CLEC1A: variants seen among roughly 807,000 people sequenced by gnomAD.
The protein encoded by CLEC1A is C-type lectin-like receptor-1.
In CLEC1A, 34 loss-of-function variants were observed where a neutral mutation model predicts 28.7. The observed-to-expected ratio is 1.18, with a 90% CI of 0.90 to 1.57. The LOEUF is 1.57. Ranked by LOEUF, CLEC1A falls within the 40% of genes most tolerant of loss-of-function variation. The pLI is 0.00. For synonymous variants in CLEC1A, 116 were observed against 121.0 expected (o/e 0.96, Z 0.27); for missense variants, 385 against 339.5 (o/e 1.13, Z -1.05).
rs1033107779 is a variant in CLEC1A, at chr12:10,092,394, A to T, written c.116-3172T>A. ...ACCCCCATCTCTATAAAAAATTTTT[A>T]AAATTCATCAGCCATGGTGGCACAC... On this transcript the variant is annotated intron_variant, in intron 1 of 5. Transcript: ENST00000315330. 30 of 372,748 alleles carry T rather than the reference A, an allele frequency of 8.0e-5. No homozygotes were observed. In the Admixed American group the frequency reaches 9.3e-4, roughly 12 times the overall value. The allele number at this position is 372,748 out of a possible 1,614,324, so 23.1% of individuals were successfully genotyped here.
chr12:10,092,919 C>T (rs561271269), intron 1 of CLEC1A, among the ~76,000 whole-genome samples: 2 of 152,208 alleles, frequency 1.3e-5, no homozygotes, highest in African/African-American at 2.4e-5. Context: ...CTTGCTCTCT[C>T]GCTTTCTCTC....
At chr12:10,071,675 C>T (rs74882389) in intron 5 of CLEC1A, among the ~76,000 whole-genome samples, 162 bp from the exon 6 acceptor site, 3,262 of 152,248 alleles carry the variant, frequency 0.021, 112 homozygotes, top group African/African-American at 0.073. Context: ...CCCTAAGTTT[C>T]CATACTCATT....
chr12:10,070,614 C>A lies in CLEC1A; in HGVS notation c.*719G>T, dbSNP rs777786414. ...GGCTCACTTTTTTCTGGTCTTTAAT[C>A]TCTCTGAAGGGAATATCGGGGACGG... On this transcript the variant is annotated 3_prime_UTR_variant, in exon 6 of 6. Transcript: ENST00000315330. The A allele has an allele frequency of 1.3e-5, 2 of 152,186 alleles. No homozygotes were observed. The highest frequency in any genetic ancestry group is 2.9e-5 in the Non-Finnish European group (2 of 68,038). The allele number at this position is 152,186 out of a possible 1,614,324, so 9.4% of individuals were successfully genotyped here. A position where few individuals can be genotyped will look rare whatever the true frequency, so the allele number is the denominator to read the frequency against.
Position 10,071,082 on chromosome 12 carries a change from G to C in CLEC1A, c.*251C>G. 3.1e-6 allele frequency: 1 copy of C among 320,152 alleles called. No individual in the cohort carries two copies. 19.8% of individuals were successfully genotyped at this position (320,152 alleles called of 1,614,324 possible). Reference sequence around the variant, plus strand: ...GAGCTAAAAGTTATCTCTAAGCCAAGAAGGCAGATGACATTATGGGTTTCT... The same window carrying C: ...GAGCTAAAAGTTATCTCTAAGCCAACAAGGCAGATGACATTATGGGTTTCT... On this transcript the variant is annotated 3_prime_UTR_variant, in exon 6 of 6. Coordinates refer to ENST00000315330, the MANE Select transcript of CLEC1A (RefSeq NM_016511.4).
chr12:10,088,804 C>T (rs1322812110), intron 2 of CLEC1A, among the ~76,000 whole-genome samples: 2 of 152,068 alleles, frequency 1.3e-5, no homozygotes, highest in Admixed American at 1.3e-4. Flanking sequence ...CTCTGATACC[C>T]TAGTCTTTTG....
At chr12:10,075,336 T>C (rs1460589465) in intron 4 of CLEC1A, among the ~76,000 whole-genome samples, 168 bp downstream of exon 4, 1 of 152,198 alleles carries the variant, frequency 6.6e-6, no homozygotes, top group African/African-American at 2.4e-5. Flanking sequence ...ACTCCTTCTA[T>C]CTACTTCAGG....
intron 2 of CLEC1A, among the ~76,000 whole-genome samples, chr12:10,084,679 A>G (rs1243712091): frequency 1.3e-5 from 2 of 151,888 alleles, no homozygotes; most frequent in Non-Finnish European, 2.9e-5. Flanking sequence ...AAAATTAGCC[A>G]GGCGTGGTGG....
rs1372537237 is a variant in CLEC1A, at chr12:10,073,367, A to G, written c.588T>C (p.Tyr196=). Reference sequence around the variant, plus strand: ...TGTCAGGGCGCAAAAGCCCTGTCCAATAAGAGTAGAAAAACTCAGAGTAGC... The same window carrying G: ...TGTCAGGGCGCAAAAGCCCTGTCCAGTAAGAGTAGAAAAACTCAGAGTAGC... ...SQSYSEFFYS[Y]WTGLLRPDSG... is the part of the protein sequence containing the mutation. The change falls in exon 5 of 6, where the codon TAT becomes TAC. Residue 196 remains tyrosine (Y), a synonymous_variant. Coordinates refer to ENST00000315330, the MANE Select transcript of CLEC1A (RefSeq NM_016511.4). 7 of 1,614,096 alleles carry G rather than the reference A, an allele frequency of 4.3e-6. 1 individual carries two copies. The East Asian group carries it at 8.9e-5, about 21-fold the overall frequency.
intron 4 of CLEC1A, 27 bp from the exon 5 acceptor site, chr12:10,073,438 T>C (rs768199811): frequency 6.4e-7 from 1 of 1,560,096 alleles, no homozygotes; most frequent in Non-Finnish European, 8.8e-7. Context: ...AGAAAAGCTT[T>C]AGCTTTGGTG....
At chr12:10,082,747 T>C (rs1866398299) in intron 2 of CLEC1A, among the ~76,000 whole-genome samples, 1 of 151,372 alleles carries the variant, frequency 6.6e-6, no homozygotes, top group Non-Finnish European at 1.5e-5. Flanking sequence ...GGCCAACAAC[T>C]CAAACCATTA....
At chr12:10,072,163 G>A (rs1866148872) in intron 5 of CLEC1A, among the ~76,000 whole-genome samples, 1 of 152,000 alleles carries the variant, frequency 6.6e-6, no homozygotes, top group African/African-American at 2.4e-5. Context: ...GCTTAAAAGG[G>A]CCTGGAACCT....
At chr12:10,092,298 G>C (rs1201404296) in intron 1 of CLEC1A, 2 of 200,856 alleles carry the variant, frequency 1.0e-5, no homozygotes, top group Non-Finnish European at 2.1e-5. Context: ...ATTGCTTTGG[G>C]CCAGGAGTTC....
At chr12:10,089,669 AT>A (rs1481701287) in intron 1 of CLEC1A, among the ~76,000 whole-genome samples, 1 of 152,088 alleles carries the variant, frequency 6.6e-6, no homozygotes, top group Non-Finnish European at 1.5e-5. Flanking sequence ...TTTGAAAAAC[AT>A]CCCCCTTCCC....
Position 10,097,525 on chromosome 12 carries a change from A to C in CLEC1A, c.115+1283T>G, listed in dbSNP as rs561859286. On this transcript the variant is annotated intron_variant, in intron 1 of 5. Coordinates refer to ENST00000315330, the MANE Select transcript of CLEC1A (RefSeq NM_016511.4). ...GATTTCTTCCAAGACAATTCTTTGT[A>C]ATCTCCACTTCTACTGTTTCAATAT... Among the ~76,000 whole-genome samples the C allele has an allele frequency of 3.3e-5, 5 of 152,332 alleles. No homozygotes were observed. The South Asian group carries it at 1.0e-3, about 32-fold the overall frequency.
intron 1 of CLEC1A, among the ~76,000 whole-genome samples, chr12:10,097,196 A>C (rs543704371): frequency 6.6e-6 from 1 of 152,324 alleles, no homozygotes; most frequent in African/African-American, 2.4e-5. Context: ...TTGTTACGTC[A>C]ATTGTTATTG....
chr12:10,098,626 A>G (rs1344974118), intron 1 of CLEC1A, among the ~76,000 whole-genome samples, 182 bp downstream of exon 1: 1 of 148,032 alleles, frequency 6.8e-6, no homozygotes. Context: ...ATCCTTCTCT[A>G]AGTGTGGGAA....
In CLEC1A at chr12:10,071,083, A is replaced by G; in HGVS notation, c.*250T>C. On this transcript the variant is annotated 3_prime_UTR_variant, in exon 6 of 6. Transcript: ENST00000315330. ...AGCTAAAAGTTATCTCTAAGCCAAG[A>G]AGGCAGATGACATTATGGGTTTCTG... 3.1e-6 allele frequency: 1 copy of G among 323,508 alleles called. No individual in the cohort carries two copies. Among genetic ancestry groups the G allele is most frequent in the Non-Finnish European group, 5.6e-6 (1 of 178,204 alleles). 20.0% of individuals were successfully genotyped at this position (323,508 alleles called of 1,614,324 possible).
Position 10,071,352 on chromosome 12 carries a change from G to A in CLEC1A, c.824C>T (p.Thr275Ile), listed in dbSNP as rs1866123614. 1.2e-5 allele frequency: 19 copies of A among 1,613,528 alleles called. No homozygotes were observed. The highest frequency in any genetic ancestry group is 1.6e-5 in the Non-Finnish European group (19 of 1,179,762). The change falls in exon 6 of 6, where the codon ACA (threonine) becomes ATA (isoleucine). Residue 275 changes from threonine (T) to isoleucine (I), a missense_variant. Coordinates refer to ENST00000315330, the MANE Select transcript of CLEC1A (RefSeq NM_016511.4). The part of the protein sequence containing the change: ...KPESLHVPPE[T>I]LGEGD ...GGCGAATCAGTCACCTTCGCCTAAT[G>A]TTTCAGGGGGGACATGGAGGCTCTC...
chr12:10,086,355 T>A (rs1177633114), intron 2 of CLEC1A, among the ~76,000 whole-genome samples: 1 of 138,514 alleles, frequency 7.2e-6, no homozygotes, highest in East Asian at 2.3e-4. Context: ...AAGAACTAAA[T>A]GATATTGAAA....
Sources: allele counts gnomAD v4.1 joint callset (sites outside exome capture counted in the v4.1 genomes callset), GRCh38; gene constraint gnomAD v4.1.1; transcripts MANE v1.5; gene names NCBI Gene and HGNC (gene_info 2026-07-23, HGNC 2026-07-21).